The following CLECL1 variants were observed in gnomAD, a reference collection of about 807,000 sequenced individuals.
CLECL1 encodes C-type lectin like 1.
downstream of CLECL1, among the ~76,000 whole-genome samples, chr12:9,712,448 A>G (rs935779588): frequency 1.3e-5 from 2 of 152,238 alleles, no homozygotes; most frequent in African/African-American, 4.8e-5. Context: ...CTGTTGCACC[A>G]TAATACTGTT....
intron 3 of CLECL1, among the ~76,000 whole-genome samples, chr12:9,724,695 A>T (rs1866357745): frequency 6.6e-6 from 1 of 152,132 alleles, no homozygotes; most frequent in South Asian, 2.1e-4. Context: ...GACTTGTGGA[A>T]TAATATTGAA....
chr12:9,710,838 A>T, the CLECL1 span, among the ~76,000 whole-genome samples: 3 of 152,154 alleles, frequency 2.0e-5, no homozygotes, highest in Non-Finnish European at 4.4e-5. Context: ...GCCTGACTTC[A>T]GGGGAAAACC....
intron 1 of CLECL1, among the ~76,000 whole-genome samples, chr12:9,731,155 C>A (rs1220657746): frequency 1.3e-5 from 2 of 152,212 alleles, no homozygotes; most frequent in African/African-American, 4.8e-5. Context: ...TCAGTTCAAA[C>A]ACACACTCTC....
chr12:9,718,989 T>A (rs781577625), downstream of CLECL1, among the ~76,000 whole-genome samples: 7 of 152,238 alleles, frequency 4.6e-5, no homozygotes, highest in Non-Finnish European at 8.8e-5. Context: ...TTTTTTTGTG[T>A]GTGTCTTTTC....
At chr12:9,723,445 C>G (rs76460011) in intron 3 of CLECL1, among the ~76,000 whole-genome samples, 378 of 4,366 alleles carry the variant, frequency 0.087, no homozygotes, top group Non-Finnish European at 0.2. Flanking sequence ...CAGACAGACA[C>G]ACACACACAC....
chr12:9,714,689 G>C (rs1305148471), downstream of CLECL1, among the ~76,000 whole-genome samples: 1 of 152,130 alleles, frequency 6.6e-6, no homozygotes, highest in Non-Finnish European at 1.5e-5. Flanking sequence ...AAATTGTCAG[G>C]GTGGTTCTTT....
In CLECL1 at chr12:9,725,512, A is replaced by G. The variant is rs778649279; in HGVS notation, n.262+2053T>C. Among the ~76,000 whole-genome samples, 7 of 151,590 alleles carry G rather than the reference A, an allele frequency of 4.6e-5. No individual in the cohort carries two copies. In the East Asian group the frequency reaches 1.4e-3, roughly 29 times the overall value. On this transcript the variant is annotated intron_variant and non_coding_transcript_variant, in intron 3 of 3. Transcript: ENST00000621400. Reference sequence around the variant, plus strand: ...TTCTCTGATAGACTAGATACCTGGAAGCAGTGTTTCACACCCATTTTGATA... The same window carrying G: ...TTCTCTGATAGACTAGATACCTGGAGGCAGTGTTTCACACCCATTTTGATA...
At chr12:9,714,906 C>G (rs139992615), downstream of CLECL1, among the ~76,000 whole-genome samples, 463 of 152,276 alleles carry the variant, frequency 3.0e-3, 1 homozygote, top group Non-Finnish European at 3.5e-3. Context: ...CATAGAAAGT[C>G]TGAAATACTG....
the CLECL1 span, among the ~76,000 whole-genome samples, chr12:9,706,792 A>G: frequency 6.6e-6 from 1 of 152,204 alleles, no homozygotes; most frequent in Non-Finnish European, 1.5e-5. Flanking sequence ...TATGATCATC[A>G]AGGATATTGG....
At chr12:9,730,842 A>C (rs1231222982) in intron 1 of CLECL1, among the ~76,000 whole-genome samples, 3 of 152,028 alleles carry the variant, frequency 2.0e-5, no homozygotes, top group Non-Finnish European at 4.4e-5. Context: ...GGCACGTGTC[A>C]CCATGCTCGT....
At chr12:9,730,512 G>A (rs1184444115) in intron 1 of CLECL1, among the ~76,000 whole-genome samples, 2 of 152,090 alleles carry the variant, frequency 1.3e-5, no homozygotes, top group African/African-American at 4.8e-5. Flanking sequence ...ATTGTTTTAT[G>A]TGCTGATTAT....
intron 1 of CLECL1, among the ~76,000 whole-genome samples, chr12:9,732,300 A>T (rs954084018): frequency 2.1e-4 from 32 of 152,232 alleles, no homozygotes; most frequent in African/African-American, 7.0e-4. Flanking sequence ...AAATGTAACA[A>T]GACAGAGAAA....
At chr12:9,717,998 A>G (rs1316809916), downstream of CLECL1, among the ~76,000 whole-genome samples, 1 of 151,942 alleles carries the variant, frequency 6.6e-6, no homozygotes, top group Non-Finnish European at 1.5e-5. Flanking sequence ...TTGATGCTTT[A>G]TATTGTTATT....
chr12:9,716,209 G>A (rs1182071316), exon 3 of CLECL1: 1 of 152,304 alleles, frequency 6.6e-6, no homozygotes, highest in Non-Finnish European at 1.5e-5. Context: ...ATGTTCTTGT[G>A]GGACTGTCTT....
chr12:9,727,504 A>C (rs1215065545), intron 3 of CLECL1, among the ~76,000 whole-genome samples: 2 of 151,772 alleles, frequency 1.3e-5, no homozygotes, highest in Admixed American at 1.3e-4. Flanking sequence ...TCGTCAAAGA[A>C]AATCAAGGCT....
At chr12:9,723,925 C>A (rs184091901) in intron 3 of CLECL1, among the ~76,000 whole-genome samples, 1 of 152,048 alleles carries the variant, frequency 6.6e-6, no homozygotes, top group Admixed American at 6.6e-5. Context: ...CAATGGCTCA[C>A]GTCTGTGATC....
chr12:9,730,072 A>G (rs1025510361), intron 1 of CLECL1, among the ~76,000 whole-genome samples: 2 of 152,176 alleles, frequency 1.3e-5, no homozygotes, highest in African/African-American at 2.4e-5. Flanking sequence ...GTGATATAGC[A>G]TTGTAATTCC....
At chr12:9,723,451 C>G (rs986847002) in intron 3 of CLECL1, among the ~76,000 whole-genome samples, 1 of 106,016 alleles carries the variant, frequency 9.4e-6, no homozygotes, top group African/African-American at 4.0e-5. Flanking sequence ...GACACACACA[C>G]ACACACACGC....
At chr12:9,705,438 T>A in the CLECL1 span, among the ~76,000 whole-genome samples, 6 of 152,218 alleles carry the variant, frequency 3.9e-5, no homozygotes, top group African/African-American at 1.4e-4. Flanking sequence ...TTCCTTTTCT[T>A]ACAATTGCTT....
Sources: gnomAD v4.1 joint callset for allele counts (sites outside exome capture counted in the v4.1 genomes callset) on GRCh38, gnomAD v4.1.1 for gene constraint, MANE v1.5 for transcripts, NCBI Gene and HGNC (gene_info 2026-07-23, HGNC 2026-07-21) for gene names.